The following MEOX1 variants were observed in gnomAD, a reference collection of about 807,000 sequenced individuals.
The protein encoded by MEOX1 is mesenchyme homeobox 1.
In MEOX1, 17 loss-of-function variants were observed where a neutral mutation model predicts 23.2. The ratio of observed to expected loss-of-function variants is 0.73; its 90% confidence interval spans 0.50 to 1.10. The LOEUF is 1.10. Ranked by LOEUF, MEOX1 falls within the 50% of genes least tolerant of loss-of-function variation. The pLI, the probability that MEOX1 is intolerant of heterozygous loss-of-function variation, is 0.00. For missense variants in MEOX1, 333 were observed against 332.2 expected, an observed-to-expected ratio of 1.00 and a Z score of -0.02; for synonymous variants, 134 against 135.1, an observed-to-expected ratio of 0.99 and a Z score of 0.06.
chr17:43,657,067 CTTCTT>C (rs1973043545), intron 1 of MEOX1, among the ~76,000 whole-genome samples: 1 of 94,130 alleles, frequency 1.1e-5, no homozygotes, highest in Non-Finnish European at 2.2e-5. Context: ...TCCTTCCTTC[CTTCTT>C]TCTTTCTTTT....
chr17:43,649,412 T>C (rs1283310570), intron 1 of MEOX1, among the ~76,000 whole-genome samples: 3 of 151,108 alleles, frequency 2.0e-5, no homozygotes, highest in Non-Finnish European at 4.4e-5. Context: ...GTTCAAGCGA[T>C]TCTCCTGCCT....
At chr17:43,657,039 TTTCTTTCTTTCTTTCTTTCC>T in intron 1 of MEOX1, among the ~76,000 whole-genome samples, 6 of 124,966 alleles carry the variant, frequency 4.8e-5, no homozygotes, top group African/African-American at 1.7e-4. Context: ...TCTTTCTTTC[TTTCTTTCTTTCTTTCTTTCC>T]TTCCTTCCTT....
intron 1 of MEOX1, among the ~76,000 whole-genome samples, chr17:43,659,262 C>T (rs1281377073): frequency 6.6e-6 from 1 of 152,192 alleles, no homozygotes; most frequent in Non-Finnish European, 1.5e-5. Flanking sequence ...GAAAGCTCTT[C>T]AACCAGGTTC....
At chr17:43,657,775 C>G (rs1208938102) in intron 1 of MEOX1, among the ~76,000 whole-genome samples, 1 of 152,146 alleles carries the variant, frequency 6.6e-6, no homozygotes, top group Non-Finnish European at 1.5e-5. Context: ...ATTTCTGAGA[C>G]AGCATAATTG....
intron 1 of MEOX1, among the ~76,000 whole-genome samples, chr17:43,650,941 C>T (rs901152148): frequency 2.0e-5 from 3 of 152,144 alleles, no homozygotes; most frequent in Admixed American, 6.5e-5. Context: ...CCTAAAGAGA[C>T]ATCGGCAGGG....
chr17:43,648,996 G>A (rs964130719), intron 1 of MEOX1, among the ~76,000 whole-genome samples: 4 of 152,306 alleles, frequency 2.6e-5, no homozygotes, highest in Admixed American at 6.5e-5. Context: ...TTTGGATCTT[G>A]GGCAAGTCCT....
At chr17:43,656,609 A>C (rs1973024245) in intron 1 of MEOX1, among the ~76,000 whole-genome samples, 1 of 152,196 alleles carries the variant, frequency 6.6e-6, no homozygotes, top group Non-Finnish European at 1.5e-5. Flanking sequence ...ACGTCTGATT[A>C]AAGGCATGTC....
In MEOX1 at chr17:43,661,509, A is replaced by AT. The variant is rs1196051287; in HGVS notation, c.25dup (p.Met9AsnfsTer53). 1 of 1,580,606 alleles carries AT rather than the reference A, an allele frequency of 6.3e-7. No individual in the cohort carries two copies. Among genetic ancestry groups the AT allele is most frequent in the Non-Finnish European group, 8.6e-7 (1 of 1,164,084 alleles). The stretch of plus-strand genomic sequence containing the variant: ...AGGGGCTGGGGGCTGGAGGCTCCTC[A>AT]TGCAGCTGCTGGCCGCGGGATCCAT... On this transcript the variant is annotated frameshift_variant, in exon 1 of 3. Coordinates refer to ENST00000318579, the MANE Select transcript of MEOX1 (RefSeq NM_004527.4). LOFTEE classifies it high-confidence loss of function.
chr17:43,643,328 C>T (rs1972734113), intron 2 of MEOX1, among the ~76,000 whole-genome samples, 160 bp downstream of exon 2: 1 of 151,984 alleles, frequency 6.6e-6, no homozygotes. Flanking sequence ...AACAAAAAAA[C>T]CCAAAACTCC....
At chr17:43,642,293 C>G (rs761099180) in intron 2 of MEOX1, among the ~76,000 whole-genome samples, 1 of 152,190 alleles carries the variant, frequency 6.6e-6, no homozygotes, top group Non-Finnish European at 1.5e-5. Context: ...GGCCCCACCC[C>G]CTTCACATGC....
chr17:43,657,166 CTTTCTTTTTTT>C (rs1973051181), intron 1 of MEOX1, among the ~76,000 whole-genome samples: 2 of 81,148 alleles, frequency 2.5e-5, no homozygotes, highest in African/African-American at 7.9e-5. Context: ...TTCTTTCTTT[CTTTCTTTTTTT>C]TTTTTTTTTT....
rs10694288 is a variant in MEOX1 at position 43,649,290 on chromosome 17, C to CTTTT, written c.470-5634_470-5631dup. On this transcript the variant is annotated intron_variant, in intron 1 of 2. Transcript: ENST00000318579. ...ATCTTTTAAATGTCTGGCCTTTCAG[C>CTTTT]TTTTTTTTTTTTTTTTTTTTTTTTG... Among the ~76,000 whole-genome samples, 635 of 86,224 alleles carry CTTTT rather than the reference C, an allele frequency of 7.4e-3. 24 individuals are homozygous for CTTTT. The highest frequency in any genetic ancestry group is 0.027 in the South Asian group (55 of 2,064). 56.6% of individuals were successfully genotyped at this position (86,224 alleles called of 152,430 possible). A position where few individuals can be genotyped will look rare whatever the true frequency, so the allele number is the denominator to read the frequency against.
intron 1 of MEOX1, among the ~76,000 whole-genome samples, chr17:43,659,481 C>T (rs905289347): frequency 1.3e-5 from 2 of 152,078 alleles, no homozygotes; most frequent in African/African-American, 2.4e-5. Flanking sequence ...AAAATGAGGA[C>T]TGCATTTGAA....
In MEOX1 at chr17:43,643,515, C is replaced by T. The variant is rs778513929; in HGVS notation, c.615G>A (p.Ala205=). The change falls in exon 2 of 3, where the codon GCG becomes GCA. Residue 205 remains alanine (A), a synonymous_variant. Coordinates refer to ENST00000318579, the MANE Select transcript of MEOX1 (RefSeq NM_004527.4). ...YLTRLRRYEI[A]VNLDLSERQV... ...GGCGCTCAGAGAGGTCCAGGTTTAC[C>T]GCAATCTCATATCTGCGGAGCCGAG... 63 of 1,602,104 alleles carry T rather than the reference C, an allele frequency of 3.9e-5. No individual in the cohort carries two copies. The highest frequency in any genetic ancestry group is 9.4e-5 in the African/African-American group (7 of 74,780).
intron 1 of MEOX1, among the ~76,000 whole-genome samples, chr17:43,648,842 C>G (rs540253666): frequency 3.9e-5 from 6 of 152,266 alleles, no homozygotes; most frequent in African/African-American, 1.2e-4. Flanking sequence ...TCCCACAGCT[C>G]AATGATCAGG....
At chr17:43,651,514 G>A (rs1189176750) in intron 1 of MEOX1, among the ~76,000 whole-genome samples, 4 of 151,896 alleles carry the variant, frequency 2.6e-5, no homozygotes, top group African/African-American at 9.7e-5. Context: ...CACTGCTCAC[G>A]CTGTTCCTGT....
At position 43,661,176 on chromosome 17, in the gene MEOX1, C is replaced by A; in HGVS notation, c.359G>T (p.Ser120Ile). The A allele has an allele frequency of 6.2e-7, 1 of 1,601,752 alleles. No individual in the cohort carries two copies. The highest frequency in any genetic ancestry group is 1.1e-5 in the South Asian group (1 of 88,856). Residue 120 changes from serine to isoleucine, a missense_variant, in exon 1 of 3, where the codon AGC becomes ATC. Ser to Ile is a moderately radical substitution (Grantham distance 142). Transcript: ENST00000318579. ...AGGSKEMGTS[S>I]LGLVDTTGGP... ...TCCTGTGGTGTCCACCAGGCCCAGG[C>A]TGCTGGTCCCCATTTCCTTGGAACC...
chr17:43,649,893 G>A (rs899545609), intron 1 of MEOX1, among the ~76,000 whole-genome samples: 2 of 152,198 alleles, frequency 1.3e-5, no homozygotes, highest in Non-Finnish European at 2.9e-5. Flanking sequence ...TGTGATTGCG[G>A]TTTCCACCAT....
chr17:43,653,141 C>CTTT lies in MEOX1; in HGVS notation c.469+7922_469+7924dup, dbSNP rs112378872. On this transcript the variant is annotated intron_variant, in intron 1 of 2. Coordinates refer to ENST00000318579, the MANE Select transcript of MEOX1 (RefSeq NM_004527.4). ...GCCACCGTGCCCAGCCTACCATTGC[C>CTTT]TTTTTTTTTTTTTTTTGAGACGGAA... is the stretch of plus-strand genomic sequence containing the variant. Among the ~76,000 whole-genome samples, 205 of 116,114 alleles carry CTTT rather than the reference C, an allele frequency of 1.8e-3. 1 individual carries two copies. Among genetic ancestry groups the CTTT allele is most frequent in the African/African-American group, 6.2e-3 (192 of 30,758 alleles). The allele number at this position is 116,114 out of a possible 152,430, so 76.2% of individuals were successfully genotyped here.
Sources: allele counts gnomAD v4.1 joint callset (sites outside exome capture counted in the v4.1 genomes callset), GRCh38; gene constraint gnomAD v4.1.1; transcripts MANE v1.5; gene names NCBI Gene and HGNC (gene_info 2026-07-23, HGNC 2026-07-21).